HSPG2: variants seen among roughly 807,000 people sequenced by gnomAD.
The protein encoded by HSPG2 is basement membrane-specific heparan sulfate proteoglycan core protein.
HSPG2 carries 278 observed loss-of-function variants against 526.6 expected under a neutral mutation model. The ratio of observed to expected loss-of-function variants is 0.53; its 90% CI spans 0.48 to 0.58. The LOEUF (loss-of-function observed/expected upper bound fraction) is 0.58, where lower values mean the gene tolerates loss of function less well. Among genes scored for constraint, HSPG2 ranks in the 20% least tolerant of loss-of-function variants. The pLI, the probability that HSPG2 is intolerant of heterozygous loss-of-function variation, is 0.00. For synonymous variants in HSPG2, 2,465 were observed against 2,555.4 expected (o/e 0.96, Z 1.07); for missense variants, 5,354 against 6,099.5 (o/e 0.88, Z 4.07).
Position 21,851,926 on chromosome 1 carries a change from C to T in HSPG2, c.6871G>A (p.Val2291Ile), listed in dbSNP as rs577596403. 12 of 1,602,044 alleles carry T rather than the reference C, an allele frequency of 7.5e-6. No homozygotes were observed. In the African/African-American group the frequency reaches 1.6e-4, roughly 21 times the overall value. Reference protein sequence around the residue: ...RGGSLPARHQVRGSRLYIFQA... With the variant: ...RGGSLPARHQIRGSRLYIFQA... ...AAGATGTACAGGCGGGAGCCACGAA[C>T]CTGGGCAGCCGTGGGCAGAGGTGTG... The change falls in exon 54 of 97, where the codon GTT becomes ATT. Residue 2291 changes from valine (V) to isoleucine (I), a missense_variant and splice_region_variant. Coordinates refer to ENST00000374695, the MANE Select transcript of HSPG2 (RefSeq NM_005529.7).
In HSPG2 at chr1:21,859,788, C is replaced by T. The variant is rs776644273; in HGVS notation, c.5182+47G>A. ...GCAGGGACAGGCCCCTGCCTCCCCT[C>T]CCACTGGGATGGCTCTTGGGGCTGA... On this transcript the variant is annotated intron_variant, in intron 41 of 96. Coordinates refer to ENST00000374695, the MANE Select transcript of HSPG2 (RefSeq NM_005529.7). The surrounding 1 kb of genome is among the most constrained non-coding windows in gnomAD (Gnocchi z 5.3). The T allele has an allele frequency of 6.2e-7, 1 of 1,604,576 alleles. No homozygotes were observed. The highest frequency in any genetic ancestry group is 2.2e-5 in the East Asian group (1 of 44,606).
rs200944352 is a variant in HSPG2, at chr1:21,857,332, C to T, written c.5347G>A (p.Val1783Met). The part of the protein sequence containing the change: ...VTVEEQRSQS[V>M]RPGADVTFIC... ...AAGGTGACGTCAGCTCCGGGGCGCACGCTCTGGCTCCGCTGCTCCTCCACA... is the reference window on the plus strand; with the variant it reads ...AAGGTGACGTCAGCTCCGGGGCGCATGCTCTGGCTCCGCTGCTCCTCCACA... The change falls in exon 43 of 97, where the codon GTG becomes ATG. Residue 1783 changes from valine to methionine, a missense_variant. Coordinates refer to ENST00000374695, the MANE Select transcript of HSPG2 (RefSeq NM_005529.7). 2.6e-4 allele frequency: 424 copies of T among 1,614,046 alleles called. 2 individuals carry two copies. The highest frequency in any genetic ancestry group is 1.1e-3 in the South Asian group (104 of 91,072).
rs1378316854 is a variant in HSPG2 at position 21,852,911 on chromosome 1, T to C, written c.6591+8A>G. 6.2e-7 allele frequency: 1 copy of C among 1,612,058 alleles called. No individual in the cohort carries two copies. Among genetic ancestry groups the C allele is most frequent in the Admixed American group, 1.7e-5 (1 of 59,874 alleles). On this transcript the variant is annotated splice_region_variant and intron_variant, in intron 51 of 96. Transcript: ENST00000374695. ...CTCCAGCAAGGTGGTCCCGGGGGGC[T>C]GCCATACCTGGTGCCGGGCAGGGAG...
At chr1:21,901,105 T>C (rs1339860308) in intron 1 of HSPG2, among the ~76,000 whole-genome samples, 2 of 152,050 alleles carry the variant, frequency 1.3e-5, no homozygotes, top group African/African-American at 4.8e-5. Flanking sequence ...CTTGAAAAAT[T>C]CTGAATTCCA....
intron 49 of HSPG2, 54 bp downstream of exon 49, chr1:21,854,557 C>A: frequency 6.6e-7 from 1 of 1,520,886 alleles, no homozygotes. Context: ...GGCCCCGCCT[C>A]CGCCACAGCC....
chr1:21,931,607 A>G (rs7528668), intron 1 of HSPG2, among the ~76,000 whole-genome samples: 142,298 of 152,222 alleles, frequency 0.93, 67,022 homozygotes, highest in South Asian at 0.99. Flanking sequence ...GGATTGGGTG[A>G]AGGGGAGGGG....
Position 21,865,290 on chromosome 1 carries a change from G to A in HSPG2, c.4390C>T (p.Arg1464Ter). 1 of 1,614,052 alleles carries A rather than the reference G, an allele frequency of 6.2e-7. No individual in the cohort carries two copies. Among genetic ancestry groups the A allele is most frequent in the Non-Finnish European group, 8.5e-7 (1 of 1,179,928 alleles). ...PERRSYEIMFREEFWRRPDGQ... is the reference protein window; with the variant it reads ...PERRSYEIMF Reference sequence around the variant, plus strand: ...CATGGCCAGGTGCCCCTTACCTCTCGGAACATGATCTCGTAGCTCCTCCTC... The same window carrying A: ...CATGGCCAGGTGCCCCTTACCTCTCAGAACATGATCTCGTAGCTCCTCCTC... The change falls in exon 35 of 97, where the codon CGA (arginine) becomes TGA (stop). Residue 1464 changes from arginine to a stop codon, truncating the protein, a stop_gained. Transcript: ENST00000374695. LOFTEE classifies it high-confidence loss of function. This position sits in a 1 kb window ranked among gnomAD's most constrained non-coding sequence, Gnocchi z 5.4.
At chr1:21,899,364 G>A (rs770200370) in intron 1 of HSPG2, among the ~76,000 whole-genome samples, 3 of 152,084 alleles carry the variant, frequency 2.0e-5, no homozygotes, top group Non-Finnish European at 4.4e-5. Flanking sequence ...ACCCAGAAAG[G>A]GAAAGACCAG....
In HSPG2 at chr1:21,850,374, C is replaced by A. The variant is rs561723497; in HGVS notation, c.7283G>T (p.Gly2428Val). 5.2e-5 allele frequency: 83 copies of A among 1,608,202 alleles called. No individual in the cohort carries two copies. In the African/African-American group the frequency reaches 1.0e-3, roughly 19 times the overall value. Residue 2428 changes from glycine to valine, a missense_variant, in exon 56 of 97, where the codon GGC becomes GTC. Transcript: ENST00000374695. The part of the protein sequence containing the change: ...ASVLVTIEPA[G>V]SVPALGVTPT... ...TGAGAGCTACTCACCAGGCACTGAG[C>A]CCGCAGGCTCAATGGTGACCAGGAC... is the stretch of plus-strand genomic sequence containing the variant.
intron 28 of HSPG2, 26 bp from the exon 29 acceptor site, chr1:21,874,037 C>G: frequency 6.4e-7 from 1 of 1,569,660 alleles, no homozygotes; most frequent in Non-Finnish European, 8.7e-7. Context: ...GATTTCTAGT[C>G]AGGAACGCAG....
chr1:21,937,183 G>C lies in HSPG2; in HGVS notation c.35C>G (p.Ala12Gly). ...CAGCAGCCGCCCGTGCAGCAGCAGC[G>C]CCAGCAGCAGCGCGCCCGCCGCCCG... ...GWRAAGALLLALLLHGRLLAV... is the reference protein window; with the variant it reads ...GWRAAGALLLGLLLHGRLLAV... The change falls in exon 1 of 97, where the codon GCG becomes GGG. Residue 12 changes from alanine to glycine, a missense_variant. Physicochemically the swap from Ala to Gly is moderately conservative, Grantham distance 60. Transcript: ENST00000374695. The C allele has an allele frequency of 9.2e-7, 1 of 1,084,666 alleles. No homozygotes were observed. Among genetic ancestry groups the C allele is most frequent in the Non-Finnish European group, 1.1e-6 (1 of 882,696 alleles). The allele number at this position is 1,084,666 out of a possible 1,614,324, so 67.2% of individuals were successfully genotyped here. A position where few individuals can be genotyped will look rare whatever the true frequency, so the allele number is the denominator to read the frequency against.
intron 81 of HSPG2, among the ~76,000 whole-genome samples, chr1:21,832,058 T>C (rs1466664478): frequency 2.0e-5 from 3 of 152,170 alleles, no homozygotes; most frequent in Non-Finnish European, 4.4e-5. Context: ...CCCTGCAGCC[T>C]AGCACCTGGC....
chr1:21,843,215 G>A (rs1299500841), intron 66 of HSPG2, 82 bp downstream of exon 66: 1 of 1,588,122 alleles, frequency 6.3e-7, no homozygotes, highest in Admixed American at 1.7e-5. Context: ...TAAGTGCCCG[G>A]CTGGGAGAGA....
chr1:21,831,005 G>A lies in HSPG2; in HGVS notation c.11648C>T (p.Ser3883Leu), dbSNP rs138145234. The A allele has an allele frequency of 2.4e-5, 38 of 1,586,582 alleles. No individual in the cohort carries two copies. Among genetic ancestry groups the A allele is most frequent in the East Asian group, 9.1e-5 (4 of 44,004 alleles). Residue 3883 changes from serine to leucine, a missense_variant, in exon 85 of 97, where the codon TCG becomes TTG. Transcript: ENST00000374695. Reference protein sequence around the residue: ...AGFTGSRCEHSQALHCHPEAC... With the variant: ...AGFTGSRCEHLQALHCHPEAC... ...ACCTGGATGGCAGTGCAGGGCCTGCGAGTGCTCACAGCGGCTCCCGGTGAA... is the reference window on the plus strand; with the variant it reads ...ACCTGGATGGCAGTGCAGGGCCTGCAAGTGCTCACAGCGGCTCCCGGTGAA...
At chr1:21,882,400 T>TACACACACAC (rs56357321) in intron 13 of HSPG2, among the ~76,000 whole-genome samples, 207 of 142,776 alleles carry the variant, frequency 1.4e-3, no homozygotes, top group East Asian at 0.012. Flanking sequence ...CTCTTCTATG[T>TACACACACAC]ACACACACAC....
At chr1:21,854,467 C>A in intron 49 of HSPG2, 124 bp from the exon 50 acceptor site, 1 of 1,458,884 alleles carries the variant, frequency 6.9e-7, no homozygotes, top group Non-Finnish European at 9.3e-7. Flanking sequence ...ATGCTAGAAA[C>A]TGGGAGGGAG....
rs774846402 is a variant in HSPG2 at position 21,838,905 on chromosome 1, G to A, written c.10070C>T (p.Pro3357Leu). Reference sequence around the variant, plus strand: ...GCAGCGGTAGCGGCCTGAGTCCTCAGGGGCTGCACGCTCAAAGTGCAGCAG... The same window carrying A: ...GCAGCGGTAGCGGCCTGAGTCCTCAAGGGCTGCACGCTCAAAGTGCAGCAG... ...NELLHFERAA[P>L]EDSGRYRCRV... The change falls in exon 74 of 97, where the codon CCT becomes CTT. Residue 3357 changes from proline to leucine, a missense_variant. Physicochemically the swap from Pro to Leu is moderately conservative, Grantham distance 98. Transcript: ENST00000374695. 6.2e-6 allele frequency: 10 copies of A among 1,612,098 alleles called. No homozygotes were observed. The highest frequency in any genetic ancestry group is 8.5e-6 in the Non-Finnish European group (10 of 1,179,268).
Position 21,843,410 on chromosome 1 carries a change from T to A in HSPG2, c.8645A>T (p.Gln2882Leu). The change falls in exon 66 of 97, where the codon CAG (glutamine) becomes CTG (leucine). Residue 2882 changes from glutamine to leucine, a missense_variant. Gln to Leu is a moderately radical substitution (Grantham distance 113). Coordinates refer to ENST00000374695, the MANE Select transcript of HSPG2 (RefSeq NM_005529.7). ...QVHGPLLRLN[Q>L]VSPADSGEYS... ...CTCGCCAGAGTCAGCCGGGGACACC[T>A]GGTTCAGCCTCAGCAGTGGGCCGTG... 6.2e-7 allele frequency: 1 copy of A among 1,613,708 alleles called. No homozygotes were observed. Among genetic ancestry groups the A allele is most frequent in the East Asian group, 2.2e-5 (1 of 44,872 alleles).
intron 74 of HSPG2, among the ~76,000 whole-genome samples, chr1:21,838,207 C>G (rs2098034845): frequency 6.6e-6 from 1 of 151,198 alleles, no homozygotes; most frequent in Middle Eastern, 3.2e-3. Flanking sequence ...CAAGGTTGCA[C>G]AGCCAGCAAA....
Sources: gnomAD v4.1 joint callset for allele counts (sites outside exome capture counted in the v4.1 genomes callset) on GRCh38, gnomAD v4.1.1 for gene constraint, Gnocchi (gnomAD v3.1) non-coding constraint, MANE v1.5 for transcripts, NCBI Gene and HGNC (gene_info 2026-07-23, HGNC 2026-07-21) for gene names.